DTWD2: variants seen among roughly 807,000 people sequenced by gnomAD.
The protein encoded by DTWD2 is DTW motif tRNA-uridine aminocarboxypropyltransferase 2, also known as tRNA-uridine aminocarboxypropyltransferase 2.
DTWD2 carries 39 observed loss-of-function variants against 31.8 expected under a neutral mutation model. The ratio of observed to expected loss-of-function variants is 1.22; its 90% confidence interval spans 0.95 to 1.60. DTWD2 has a LOEUF of 1.60. Ranked by LOEUF, DTWD2 falls within the 40% of genes most tolerant of loss-of-function variation. The pLI is 0.00. For missense variants in DTWD2, 515 were observed against 381.5 expected, an observed-to-expected ratio of 1.35 and a Z score of -2.92; for synonymous variants, 180 against 142.8, an observed-to-expected ratio of 1.26 and a Z score of -1.86.
At chr5:118,893,431 T>C (rs1364090421) in intron 4 of DTWD2, among the ~76,000 whole-genome samples, 1 of 151,372 alleles carries the variant, frequency 6.6e-6, no homozygotes, top group East Asian at 1.9e-4. Context: ...ATCTGCTAGT[T>C]TTCTGAAAAA....
At chr5:118,917,616 T>G (rs993137840) in intron 4 of DTWD2, among the ~76,000 whole-genome samples, 1 of 152,128 alleles carries the variant, frequency 6.6e-6, no homozygotes, top group African/African-American at 2.4e-5. Context: ...GAAGCAAACA[T>G]GTCCTTCACA....
intron 1 of DTWD2, among the ~76,000 whole-genome samples, chr5:118,978,973 T>C (rs1166956303): frequency 2.0e-5 from 3 of 150,456 alleles, no homozygotes; most frequent in Non-Finnish European, 2.9e-5. Context: ...ATCACTGCGC[T>C]CCAGCCTGGG....
At chr5:118,932,087 G>C (rs189557157) in intron 3 of DTWD2, among the ~76,000 whole-genome samples, 5 of 152,210 alleles carry the variant, frequency 3.3e-5, no homozygotes, top group Non-Finnish European at 7.4e-5. Flanking sequence ...ACTGCTTAGA[G>C]AGATATTCAT....
intron 4 of DTWD2, among the ~76,000 whole-genome samples, chr5:118,858,343 T>A (rs1258897230): frequency 1.3e-5 from 2 of 152,192 alleles, no homozygotes; most frequent in Non-Finnish European, 2.9e-5. Flanking sequence ...ATAATTTCAA[T>A]AAAAGCTTTC....
intron 1 of DTWD2, among the ~76,000 whole-genome samples, chr5:118,957,954 A>G (rs1754624011): frequency 6.6e-6 from 1 of 152,208 alleles, no homozygotes; most frequent in Non-Finnish European, 1.5e-5. Flanking sequence ...TATGAGGTGC[A>G]TCATATACTA....
intron 1 of DTWD2, among the ~76,000 whole-genome samples, chr5:118,950,547 T>A (rs184238066): frequency 1.4e-4 from 21 of 151,942 alleles, no homozygotes; most frequent in Admixed American, 1.2e-3. Flanking sequence ...GCTCTGGGAG[T>A]GGCTGCCGGG....
chr5:118,930,543 A>C (rs1417951322), intron 3 of DTWD2, among the ~76,000 whole-genome samples: 2 of 152,028 alleles, frequency 1.3e-5, no homozygotes, highest in African/African-American at 4.8e-5. Context: ...AACCAGAGGA[A>C]AAAAAAAGAA....
At chr5:118,914,952 T>C (rs115444641) in intron 4 of DTWD2, among the ~76,000 whole-genome samples, 1,835 of 152,230 alleles carry the variant, frequency 0.012, 34 homozygotes, top group African/African-American at 0.042. Flanking sequence ...TAAATTTAAT[T>C]TTTCTGGCTC....
At chr5:118,900,567 T>C (rs1753182296) in intron 4 of DTWD2, among the ~76,000 whole-genome samples, 1 of 152,160 alleles carries the variant, frequency 6.6e-6, no homozygotes, top group South Asian at 2.1e-4. Context: ...GATAAAGTAT[T>C]TTGTCTTAAG....
intron 4 of DTWD2, among the ~76,000 whole-genome samples, chr5:118,923,577 C>A (rs1753750242): frequency 6.6e-6 from 1 of 152,198 alleles, no homozygotes; most frequent in African/African-American, 2.4e-5. Context: ...AGAGGCGAAC[C>A]TATAAAGCCC....
chr5:118,943,001 G>T (rs59879571), intron 2 of DTWD2, among the ~76,000 whole-genome samples: 1 of 151,906 alleles, frequency 6.6e-6, no homozygotes, highest in South Asian at 2.1e-4. Flanking sequence ...ATGGGGTCTC[G>T]CTATGTTGCC....
intron 4 of DTWD2, among the ~76,000 whole-genome samples, chr5:118,876,464 T>A (rs1561437060): frequency 6.6e-6 from 1 of 151,564 alleles, no homozygotes; most frequent in Non-Finnish European, 1.5e-5. Flanking sequence ...TGAAAAAATT[T>A]AAAAAAAGAA....
chr5:118,987,570 G>C (rs1442857058), intron 1 of DTWD2, among the ~76,000 whole-genome samples: 1 of 152,122 alleles, frequency 6.6e-6, no homozygotes, highest in Non-Finnish European at 1.5e-5. Context: ...TTCCTTCACT[G>C]CTTTTTTCCC....
At chr5:118,948,713 G>C (rs759446939) in intron 1 of DTWD2, among the ~76,000 whole-genome samples, 54 of 152,138 alleles carry the variant, frequency 3.5e-4, no homozygotes, top group Non-Finnish European at 7.2e-4. Flanking sequence ...GCACAGCCCT[G>C]CACTTCGGCT....
chr5:118,959,952 A>T (rs1561471710), intron 1 of DTWD2, among the ~76,000 whole-genome samples: 1 of 152,242 alleles, frequency 6.6e-6, no homozygotes, highest in Non-Finnish European at 1.5e-5. Flanking sequence ...ATCAAGATGG[A>T]TTAAAAACTT....
chr5:118,922,659 G>A (rs1420198539), intron 4 of DTWD2, among the ~76,000 whole-genome samples: 1 of 152,036 alleles, frequency 6.6e-6, no homozygotes, highest in African/African-American at 2.4e-5. Context: ...AGAGCACCTT[G>A]AGTAAACAAA....
chr5:118,966,754 G>T (rs1417062525), intron 1 of DTWD2, among the ~76,000 whole-genome samples: 2 of 152,092 alleles, frequency 1.3e-5, no homozygotes, highest in East Asian at 3.9e-4. Flanking sequence ...CAGAGGCCAG[G>T]CACAGTGGCT....
intron 1 of DTWD2, among the ~76,000 whole-genome samples, chr5:118,961,771 G>C (rs1407654979): frequency 6.6e-6 from 1 of 151,300 alleles, no homozygotes; most frequent in Non-Finnish European, 1.5e-5. Context: ...TGCTTTATTG[G>C]GGGGGGCATA....
intron 5 of DTWD2, among the ~76,000 whole-genome samples, chr5:118,844,937 G>A (rs1233662322): frequency 6.6e-6 from 1 of 152,020 alleles, no homozygotes; most frequent in Non-Finnish European, 1.5e-5. Context: ...AGGAGTTCAA[G>A]ACCAATCTGG....
Sources: allele counts gnomAD v4.1 joint callset (sites outside exome capture counted in the v4.1 genomes callset), GRCh38; gene constraint gnomAD v4.1.1; transcripts MANE v1.5; gene names NCBI Gene and HGNC (gene_info 2026-07-23, HGNC 2026-07-21).